The following FAT3 variants were observed in gnomAD, a reference collection of about 807,000 sequenced individuals.
The protein encoded by FAT3 is FAT atypical cadherin 3.
Under a neutral mutation model 310.2 loss-of-function variants are expected in FAT3, and 95 were observed. That is an observed-to-expected ratio of 0.31 (90% CI 0.26 to 0.36). FAT3 has a LOEUF of 0.36. FAT3 is among the 10% of genes least tolerant of loss of function. The pLI is 1.00. For synonymous variants in FAT3, 2,314 were observed against 2,192.9 expected (o/e 1.06, Z -1.54); for missense variants, 5,408 against 5,715.6 (o/e 0.95, Z 1.74).
At chr11:92,293,512 TTATATATATATATATATATATA>T (rs1195340265) in intron 1 of FAT3, among the ~76,000 whole-genome samples, 7 of 67,892 alleles carry the variant, frequency 1.0e-4, no homozygotes, top group East Asian at 4.0e-4. Context: ...GAACCTCAGA[TTATATATATATATATATATATA>T]TATATATATA....
chr11:92,792,579 C>T (rs778884217), intron 8 of FAT3, among the ~76,000 whole-genome samples, 188 bp from the exon 9 acceptor site: 1 of 152,166 alleles, frequency 6.6e-6, no homozygotes, highest in African/African-American at 2.4e-5. Flanking sequence ...GTAAACCCTG[C>T]TCACGATTTG....
At chr11:92,656,838 C>T (rs1354030342) in intron 3 of FAT3, among the ~76,000 whole-genome samples, 1 of 152,142 alleles carries the variant, frequency 6.6e-6, no homozygotes, top group African/African-American at 2.4e-5. Flanking sequence ...GCAGACTCGA[C>T]CCTTGGAACT....
chr11:92,661,067 G>A (rs1036917385), intron 3 of FAT3, among the ~76,000 whole-genome samples: 1 of 152,180 alleles, frequency 6.6e-6, no homozygotes, highest in Non-Finnish European at 1.5e-5. Flanking sequence ...TGATTATGAA[G>A]TAACAATAGT....
chr11:92,609,452 G>A (rs1565454613), intron 3 of FAT3, among the ~76,000 whole-genome samples: 1 of 152,178 alleles, frequency 6.6e-6, no homozygotes, highest in African/African-American at 2.4e-5. Context: ...GTTAGCCTAT[G>A]TTTTAAATGT....
chr11:92,282,419 C>T (rs61243444), intron 1 of FAT3, among the ~76,000 whole-genome samples: 3,287 of 152,174 alleles, frequency 0.022, 129 homozygotes, highest in African/African-American at 0.074. Flanking sequence ...AATCTCAGCA[C>T]TTTGGGAGGC....
chr11:92,385,402 C>G (rs1346320558), intron 2 of FAT3, among the ~76,000 whole-genome samples: 1 of 152,108 alleles, frequency 6.6e-6, no homozygotes, highest in Non-Finnish European at 1.5e-5. Flanking sequence ...GAATCTTGCT[C>G]TGTTGCCCAG....
At chr11:92,594,551 T>G (rs1565441694) in intron 3 of FAT3, among the ~76,000 whole-genome samples, 1 of 152,214 alleles carries the variant, frequency 6.6e-6, no homozygotes, top group Non-Finnish European at 1.5e-5. Flanking sequence ...AGTCATTCAT[T>G]TATTTATTCA....
At chr11:92,240,569 ACCC>A (rs5793589) in intron 1 of FAT3, among the ~76,000 whole-genome samples, 81 of 141,098 alleles carry the variant, frequency 5.7e-4, no homozygotes, top group African/African-American at 2.1e-3. Flanking sequence ...ACAAAATGAA[ACCC>A]CCCCAAAAAA....
At chr11:92,869,652 A>G (rs1056315762) in intron 22 of FAT3, among the ~76,000 whole-genome samples, 1 of 152,134 alleles carries the variant, frequency 6.6e-6, no homozygotes, top group Non-Finnish European at 1.5e-5. Flanking sequence ...CGTGCCAAAC[A>G]GGGGAGAGAA....
intron 2 of FAT3, among the ~76,000 whole-genome samples, chr11:92,449,046 A>G (rs548797086): frequency 1.3e-5 from 2 of 152,226 alleles, no homozygotes; most frequent in East Asian, 1.9e-4. Context: ...GAAATCTCAC[A>G]CTGGCCCGGG....
chr11:92,391,912 T>C (rs1375739940), intron 2 of FAT3, among the ~76,000 whole-genome samples: 1 of 152,202 alleles, frequency 6.6e-6, no homozygotes, highest in Admixed American at 6.5e-5. Context: ...CCAGTGTCCT[T>C]GTGCTCTTTT....
In FAT3 at chr11:92,856,826, A is replaced by G. The variant is rs539197236; in HGVS notation, c.11366-388A>G. The stretch of plus-strand genomic sequence containing the variant: ...GAAGAAATCTAAACTCAAGTGATAC[A>G]TTCAAATAGCCTCCAATCTGCAGAA... On this transcript the variant is annotated intron_variant, in intron 19 of 27. Transcript: ENST00000525166. Among the ~76,000 whole-genome samples, 9 of 152,258 alleles carry G rather than the reference A, an allele frequency of 5.9e-5. 2 individuals carry two copies. In the South Asian group the frequency reaches 1.7e-3, roughly 28 times the overall value.
chr11:92,409,511 C>T (rs1274735680), intron 2 of FAT3, among the ~76,000 whole-genome samples: 1 of 152,110 alleles, frequency 6.6e-6, no homozygotes, highest in Non-Finnish European at 1.5e-5. Context: ...TTCCTCAGCT[C>T]AGCAAATGCA....
intron 2 of FAT3, among the ~76,000 whole-genome samples, chr11:92,356,481 C>T (rs932009968): frequency 2.6e-5 from 4 of 152,124 alleles, no homozygotes; most frequent in Non-Finnish European, 4.4e-5. Flanking sequence ...TCTCATAGTT[C>T]GGGAGGCTGG....
At chr11:92,556,599 G>A (rs1337784908) in intron 3 of FAT3, among the ~76,000 whole-genome samples, 3 of 152,022 alleles carry the variant, frequency 2.0e-5, no homozygotes, top group Non-Finnish European at 2.9e-5. Context: ...ATATCTGTGA[G>A]GCCCTACACT....
At chr11:92,837,410 G>A (rs1948434581) in intron 16 of FAT3, among the ~76,000 whole-genome samples, 1 of 152,168 alleles carries the variant, frequency 6.6e-6, no homozygotes, top group South Asian at 2.1e-4. Flanking sequence ...CTGGGCAGGG[G>A]GTGATACTGC....
At chr11:92,233,906 A>G (rs1864299299) in intron 1 of FAT3, among the ~76,000 whole-genome samples, 1 of 152,190 alleles carries the variant, frequency 6.6e-6, no homozygotes, top group South Asian at 2.1e-4. Context: ...TGTTGTGTTC[A>G]GTTTACATTC....
intron 3 of FAT3, among the ~76,000 whole-genome samples, chr11:92,666,196 G>A (rs79380609): frequency 0.011 from 1,645 of 152,210 alleles, 30 homozygotes; most frequent in African/African-American, 0.037. Flanking sequence ...AGTAAAAGTA[G>A]TAAACTAGGA....
chr11:92,230,940 A>T (rs1359218488), intron 1 of FAT3, among the ~76,000 whole-genome samples: 1 of 152,254 alleles, frequency 6.6e-6, no homozygotes. Context: ...TATGCAAGGC[A>T]CTATGAAATA....
Sources: gnomAD v4.1 joint callset for allele counts (sites outside exome capture counted in the v4.1 genomes callset) on GRCh38, gnomAD v4.1.1 for gene constraint, MANE v1.5 for transcripts, NCBI Gene and HGNC (gene_info 2026-07-23, HGNC 2026-07-21) for gene names.